The following ANK2 variants were observed in gnomAD, a reference collection of about 807,000 sequenced individuals.
The protein encoded by ANK2 is ankyrin-2.
Under a neutral mutation model 360.5 loss-of-function variants are expected in ANK2, and 83 were observed. The observed-to-expected ratio is 0.23, with a 90% CI of 0.19 to 0.28. The LOEUF (loss-of-function observed/expected upper bound fraction) is 0.28, where lower values mean the gene tolerates loss of function less well. Ranked by LOEUF, ANK2 falls within the 10% of genes least tolerant of loss-of-function variation. The probability of loss-of-function intolerance (pLI) is 1.00; values close to 1 mark genes in which losing one functional copy is unlikely to be tolerated. For missense variants in ANK2, 4,201 were observed against 4,795.7 expected (o/e 0.88, Z 3.66); for synonymous variants, 1,740 against 1,759.5 (o/e 0.99, Z 0.28).
At position 113,354,170 on chromosome 4, in the gene ANK2, C is replaced by T. The variant is rs376085805; in HGVS notation, c.5552C>T (p.Thr1851Ile). 5 of 1,613,934 alleles carry T rather than the reference C, an allele frequency of 3.1e-6. No homozygotes were observed. The highest frequency in any genetic ancestry group is 4.2e-6 in the Non-Finnish European group (5 of 1,179,958). Residue 1851 changes from threonine to isoleucine, a missense_variant, in exon 38 of 46, where the codon ACT (threonine) becomes ATT (isoleucine). By Grantham distance (89) the Thr-to-Ile change is moderately conservative. Around this residue, in one of 4 missense-constraint regions of ANK2, gnomAD observed 2,642 missense variants for 2,714.5 expected, o/e 0.97. Coordinates refer to ENST00000357077, the MANE Select transcript of ANK2 (RefSeq NM_001148.6). ...RHPPVSPSSK[T>I]EKHSPVSPSA... ...CCTCCAGTATCACCATCAAGTAAAA[C>T]TGAGAAACACTCACCTGTGTCACCC...
chr4:113,149,874 C>CCAAA (rs2096976103), intron 1 of ANK2, among the ~76,000 whole-genome samples: 1 of 31,402 alleles, frequency 3.2e-5, no homozygotes, highest in African/African-American at 1.3e-4. Context: ...GACCCTGCCT[C>CCAAA]AAAAAAAAAA....
chr4:113,241,236 ATGT>A (rs1228707014), intron 8 of ANK2, among the ~76,000 whole-genome samples: 1 of 152,220 alleles, frequency 6.6e-6, no homozygotes, highest in Non-Finnish European at 1.5e-5. Flanking sequence ...TATAATTTGT[ATGT>A]ATAATGTTTT....
intron 1 of ANK2, among the ~76,000 whole-genome samples, chr4:112,845,324 T>G (rs1165463920): frequency 6.6e-6 from 1 of 150,578 alleles, no homozygotes; most frequent in African/African-American, 2.4e-5. Flanking sequence ...ACTTAGGTGT[T>G]TTTTTTTTTG....
chr4:112,766,433 TC>T, the ANK2 span, among the ~76,000 whole-genome samples: 1 of 152,196 alleles, frequency 6.6e-6, no homozygotes, highest in Non-Finnish European at 1.5e-5. Flanking sequence ...TTGTTAGAAA[TC>T]CTTTAATTAC....
intron 41 of ANK2, 88 bp downstream of exon 41, chr4:113,365,270 T>C: frequency 7.0e-7 from 1 of 1,420,818 alleles, no homozygotes. Context: ...CTGGACCTAC[T>C]GTCTTTTTTT....
intron 2 of ANK2, among the ~76,000 whole-genome samples, chr4:112,923,912 C>T (rs922336614): frequency 6.6e-6 from 1 of 152,146 alleles, no homozygotes. Flanking sequence ...TTGTGAAACA[C>T]TTTAGTCGCA....
intron 1 of ANK2, among the ~76,000 whole-genome samples, chr4:112,833,978 T>G (rs1048050377): frequency 1.3e-5 from 2 of 152,234 alleles, no homozygotes; most frequent in East Asian, 1.9e-4. Flanking sequence ...TACATAGATA[T>G]AACTTTTAAA....
chr4:113,031,299 T>G (rs1191076466), intron 2 of ANK2: 2 of 152,184 alleles, frequency 1.3e-5, no homozygotes, highest in African/African-American at 2.4e-5. Flanking sequence ...GGCTCAAAAT[T>G]TCTCTTTATT....
At chr4:112,782,632 C>T in the ANK2 span, among the ~76,000 whole-genome samples, 15 of 151,792 alleles carry the variant, frequency 9.9e-5, no homozygotes, top group Non-Finnish European at 2.1e-4. Context: ...TTTGGGAGGC[C>T]GAGATGGGTG....
At chr4:113,350,153 G>A (rs1210817590) in intron 36 of ANK2, 75 bp from the exon 37 acceptor site, 50 of 1,375,192 alleles carry the variant, frequency 3.6e-5, no homozygotes, top group Non-Finnish European at 5.1e-5. Context: ...ATGAATAGGA[G>A]CTTTTTGTGC....
At chr4:113,259,782 T>C (rs1355267198) in intron 13 of ANK2, among the ~76,000 whole-genome samples, 1 of 149,966 alleles carries the variant, frequency 6.7e-6, no homozygotes, top group Non-Finnish European at 1.5e-5. Flanking sequence ...TCCCCCCCCT[T>C]TTTTTTTTGA....
At chr4:112,738,428 A>AG in the ANK2 span, among the ~76,000 whole-genome samples, 1 of 151,918 alleles carries the variant, frequency 6.6e-6, no homozygotes. Context: ...AAAAAAAAAA[A>AG]AAAAAGACAT....
chr4:112,749,278 TGTAATGTTACCA>T, the ANK2 span, among the ~76,000 whole-genome samples: 2 of 152,322 alleles, frequency 1.3e-5, no homozygotes, highest in Middle Eastern at 3.4e-3. Flanking sequence ...TATCACCATT[TGTAATGTTACCA>T]GTGATATCAT....
Position 112,993,712 on chromosome 4 carries a change from A to AT in ANK2, c.21+89210dup, listed in dbSNP as rs34394811. Among the ~76,000 whole-genome samples the AT allele has an allele frequency of 1.9e-3, 286 of 148,998 alleles. 2 individuals are homozygous for AT. Among genetic ancestry groups the AT allele is most frequent in the East Asian group, 3.4e-3 (17 of 4,984 alleles). ...AAGCTTACATTCTATTGGCAACTGC[A>AT]TTTTTTTTTTTTGACACAGGGACTC... On this transcript the variant is annotated intron_variant, in intron 2 of 30. Coordinates refer to the ANK2 transcript ENST00000503271.
intron 1 of ANK2, among the ~76,000 whole-genome samples, chr4:112,874,113 G>T (rs1310095419): frequency 1.6e-5 from 2 of 128,482 alleles, no homozygotes; most frequent in Non-Finnish European, 3.1e-5. Context: ...TCAGAGTCTC[G>T]CACTGTCTCC....
the ANK2 span, among the ~76,000 whole-genome samples, chr4:112,754,789 G>A: frequency 6.6e-6 from 1 of 152,142 alleles, no homozygotes; most frequent in Non-Finnish European, 1.5e-5. Flanking sequence ...AAGTGAGGCA[G>A]TAGAAGGGAG....
At chr4:113,299,478 G>A (rs549207482) in intron 22 of ANK2, among the ~76,000 whole-genome samples, 1 of 152,268 alleles carries the variant, frequency 6.6e-6, no homozygotes, top group Admixed American at 6.5e-5. Context: ...GCCGAGGTAG[G>A]TGGATCACCT....
chr4:112,999,925 GA>G (rs571898981), intron 2 of ANK2, among the ~76,000 whole-genome samples: 4 of 152,022 alleles, frequency 2.6e-5, no homozygotes, highest in Admixed American at 1.3e-4. Flanking sequence ...TGACAGAGAG[GA>G]AAAAAACTTT....
At chr4:113,208,451 A>G (rs1207833903) in intron 4 of ANK2, among the ~76,000 whole-genome samples, 1 of 151,986 alleles carries the variant, frequency 6.6e-6, no homozygotes, top group African/African-American at 2.4e-5. Context: ...ATAGATGGTA[A>G]TGCAACACTA....
Sources: gnomAD v4.1 joint callset for allele counts (sites outside exome capture counted in the v4.1 genomes callset) on GRCh38, gnomAD v4.1.1 for gene constraint, gnomAD v4.1.1 regional missense constraint, MANE v1.5 for transcripts, NCBI Gene and HGNC (gene_info 2026-07-23, HGNC 2026-07-21) for gene names.